The following PLCL2 variants were observed in gnomAD, a reference collection of about 807,000 sequenced individuals.
PLCL2 encodes inactive phospholipase C-like protein 2.
Under a neutral mutation model 79.6 loss-of-function variants are expected in PLCL2, and 4 were observed. That is an observed-to-expected ratio of 0.05 (90% CI 0.02 to 0.11). The LOEUF (loss-of-function observed/expected upper bound fraction) is 0.11. Ranked by LOEUF, PLCL2 falls within the 10% of genes least tolerant of loss-of-function variation. The pLI, the probability that PLCL2 is intolerant of heterozygous loss-of-function variation, is 1.00. For missense variants in PLCL2, 895 were observed against 1,291.0 expected, an observed-to-expected ratio of 0.69 and a Z score of 4.70; for synonymous variants, 484 against 457.7, an observed-to-expected ratio of 1.06 and a Z score of -0.73.
At position 17,011,233 on chromosome 3, in the gene PLCL2, G is replaced by C. The variant is rs1415583388; in HGVS notation, c.1887G>C (p.Gln629His). 7 of 1,614,232 alleles carry C rather than the reference G, an allele frequency of 4.3e-6. No individual in the cohort carries two copies. Among genetic ancestry groups the C allele is most frequent in the Non-Finnish European group, 8.5e-7 (1 of 1,180,030 alleles). Reference protein sequence around the residue: ...SELVSICKSVQFKEFQVSFQV... With the variant: ...SELVSICKSVHFKEFQVSFQV... ...TGGTCAGCATCTGCAAATCAGTTCA[G>C]TTCAAAGAATTTCAGGTGTCGTTTC... The change falls in exon 2 of 6, where the codon CAG (glutamine) becomes CAC (histidine). Residue 629 changes from glutamine (Q) to histidine (H), a missense_variant. By Grantham distance (24) the Gln-to-His change is conservative. Coordinates refer to ENST00000615277, the MANE Select transcript of PLCL2 (RefSeq NM_001144382.2). The surrounding 1 kb of genome is among the most constrained non-coding windows in gnomAD (Gnocchi z 7.9).
At chr3:16,889,597 G>A (rs1696300949) in intron 1 of PLCL2, among the ~76,000 whole-genome samples, 1 of 152,194 alleles carries the variant, frequency 6.6e-6, no homozygotes, top group Non-Finnish European at 1.5e-5. Flanking sequence ...GTCATGTGGT[G>A]TAGGAGAAAC....
intron 2 of PLCL2, among the ~76,000 whole-genome samples, chr3:17,012,450 A>G (rs1022004297): frequency 3.3e-5 from 5 of 152,178 alleles, no homozygotes; most frequent in African/African-American, 1.2e-4. Context: ...GTTTTTTTCT[A>G]ATAGTATACA....
chr3:17,082,887 A>G (rs2124955901), intron 5 of PLCL2, among the ~76,000 whole-genome samples: 1 of 152,288 alleles, frequency 6.6e-6, no homozygotes, highest in East Asian at 1.9e-4. Context: ...TATATATATA[A>G]TGCCAAGAAA....
At chr3:16,978,236 C>G (rs181327019) in intron 1 of PLCL2, among the ~76,000 whole-genome samples, 109 of 152,308 alleles carry the variant, frequency 7.2e-4, no homozygotes, top group Middle Eastern at 6.8e-3. Flanking sequence ...ATACCCTACC[C>G]TTTTTATTGT....
Position 17,052,348 on chromosome 3 carries a change from G to A in PLCL2, c.3094+9399G>A, listed in dbSNP as rs551605116. Among the ~76,000 whole-genome samples, 10 of 151,958 alleles carry A rather than the reference G, an allele frequency of 6.6e-5. No individual in the cohort carries two copies. The South Asian group carries it at 1.0e-3, about 16-fold the overall frequency. ...AGGAATTAACAGAAGATAACTTGACGGAGATGAGTGCTTCCAAACCAGTGC... is the reference window on the plus strand; with the variant it reads ...AGGAATTAACAGAAGATAACTTGACAGAGATGAGTGCTTCCAAACCAGTGC... On this transcript the variant is annotated intron_variant, in intron 4 of 5. Transcript: ENST00000615277.
chr3:16,903,463 T>C (rs772755650), intron 1 of PLCL2, among the ~76,000 whole-genome samples: 2 of 152,190 alleles, frequency 1.3e-5, no homozygotes, highest in Admixed American at 6.5e-5. Flanking sequence ...GTCACAGATA[T>C]CTGTCTCTTA....
rs76205657 is a variant in PLCL2 at position 17,034,781 on chromosome 3, C to G, written c.3019-8093C>G. Among the ~76,000 whole-genome samples, 162 of 152,216 alleles carry G rather than the reference C, an allele frequency of 1.1e-3. 5 individuals carry two copies. The East Asian group carries it at 0.028, about 26-fold the overall frequency. ...TAGGGTAAAATTGGTTTCATTGTAC[C>G]TTGTTCACTGAAAGTCGCAGTTTCC... On this transcript the variant is annotated intron_variant, in intron 3 of 5. Coordinates refer to ENST00000615277, the MANE Select transcript of PLCL2 (RefSeq NM_001144382.2).
intron 4 of PLCL2, among the ~76,000 whole-genome samples, chr3:17,052,131 A>G (rs2064847546): frequency 6.6e-6 from 1 of 152,068 alleles, no homozygotes; most frequent in African/African-American, 2.4e-5. Context: ...CATGAAAGTC[A>G]TCGAGTCCAA....
At chr3:17,007,452 A>G (rs1297997778) in intron 1 of PLCL2, among the ~76,000 whole-genome samples, 1 of 152,260 alleles carries the variant, frequency 6.6e-6, no homozygotes, top group East Asian at 1.9e-4. Flanking sequence ...AATATAATGT[A>G]TCTTACAGAT....
At chr3:16,968,878 G>A (rs751565215) in intron 1 of PLCL2, among the ~76,000 whole-genome samples, 15 of 152,262 alleles carry the variant, frequency 9.9e-5, no homozygotes, top group East Asian at 1.9e-4. Context: ...GATGTTGGCC[G>A]TGGGTTTGTT....
At chr3:16,944,707 C>CATGTTTTT (rs1479090169) in intron 1 of PLCL2, among the ~76,000 whole-genome samples, 2 of 151,706 alleles carry the variant, frequency 1.3e-5, no homozygotes, top group African/African-American at 4.8e-5. Context: ...AAAATAAAGT[C>CATGTTTTT]ATGTTTTTAT....
chr3:16,977,460 A>G (rs2063937647), intron 1 of PLCL2, among the ~76,000 whole-genome samples: 1 of 152,130 alleles, frequency 6.6e-6, no homozygotes, highest in Non-Finnish European at 1.5e-5. Flanking sequence ...TTTTCTTGCC[A>G]GTTCCTTCCT....
At position 17,052,262 on chromosome 3, in the gene PLCL2, G is replaced by GC. The variant is rs569662810; in HGVS notation, c.3094+9313_3094+9314insC. ...AAAAAAAAAAAAAAAAATTGGGGGG[G>GC]GGTGAAGGTCTCAGGTTATGGATTT... is the stretch of plus-strand genomic sequence containing the variant. On this transcript the variant is annotated intron_variant, in intron 4 of 5. Transcript: ENST00000615277. Among the ~76,000 whole-genome samples the GC allele has an allele frequency of 1.1e-4, 17 of 150,572 alleles. No individual in the cohort carries two copies. The South Asian group carries it at 1.9e-3, about 17-fold the overall frequency.
rs1199876960 is a variant in PLCL2, at chr3:17,011,085, A to G, written c.1739A>G (p.Glu580Gly). The G allele has an allele frequency of 6.2e-7, 1 of 1,614,090 alleles. No homozygotes were observed. The highest frequency in any genetic ancestry group is 1.1e-5 in the South Asian group (1 of 91,084). ...KKLSSNCSGV[E>G]GDVTDEDEGA... ...CTGTCCTCAAATTGCTCTGGGGTAG[A>G]AGGAGATGTTACTGACGAAGATGAA... Residue 580 changes from glutamate to glycine, a missense_variant, in exon 2 of 6, where the codon GAA becomes GGA. By Grantham distance (98) the Glu-to-Gly change is moderately conservative. Coordinates refer to ENST00000615277, the MANE Select transcript of PLCL2 (RefSeq NM_001144382.2). The surrounding 1 kb of genome is among the most constrained non-coding windows in gnomAD (Gnocchi z 7.9).
chr3:17,076,302 G>T (rs932584859), intron 5 of PLCL2, among the ~76,000 whole-genome samples: 1 of 151,776 alleles, frequency 6.6e-6, no homozygotes, highest in Non-Finnish European at 1.5e-5. Flanking sequence ...TCTGCTTGGG[G>T]TTGGTTGAGA....
intron 1 of PLCL2, among the ~76,000 whole-genome samples, chr3:17,004,631 A>T (rs2064242900): frequency 6.6e-6 from 1 of 152,052 alleles, no homozygotes; most frequent in Non-Finnish European, 1.5e-5. Flanking sequence ...AGCACATCAA[A>T]GTTTTAAAGA....
chr3:17,050,374 T>C (rs2064826916), intron 4 of PLCL2, among the ~76,000 whole-genome samples: 1 of 151,858 alleles, frequency 6.6e-6, no homozygotes, highest in Admixed American at 6.6e-5. Context: ...AACAACAAAA[T>C]GGAGAAATAA....
intron 1 of PLCL2, among the ~76,000 whole-genome samples, chr3:16,953,654 A>G (rs189336140): frequency 8.9e-4 from 136 of 152,280 alleles, no homozygotes; most frequent in African/African-American, 3.2e-3. Context: ...ATTTCACTGA[A>G]ATTCATTGTG....
chr3:16,928,985 C>G (rs1697324772), intron 1 of PLCL2, among the ~76,000 whole-genome samples: 1 of 151,794 alleles, frequency 6.6e-6, no homozygotes, highest in African/African-American at 2.4e-5. Flanking sequence ...AGAATTTTCT[C>G]AAGGTTAGTT....
Sources: allele counts gnomAD v4.1 joint callset (sites outside exome capture counted in the v4.1 genomes callset), GRCh38; gene constraint gnomAD v4.1.1; non-coding constraint Gnocchi (gnomAD v3.1); transcripts MANE v1.5; gene names NCBI Gene and HGNC (gene_info 2026-07-23, HGNC 2026-07-21).